The following PRKG1 variants were observed in gnomAD, a reference collection of about 807,000 sequenced individuals.
The protein encoded by PRKG1 is protein kinase cGMP-dependent 1, also known as cGMP-dependent protein kinase 1.
In PRKG1, 35 loss-of-function variants were observed where a neutral mutation model predicts 88.1. The ratio of observed to expected loss-of-function variants is 0.40; its 90% CI spans 0.30 to 0.53. The LOEUF is 0.53. PRKG1 is among the 20% of genes least tolerant of loss of function. PRKG1 has a pLI of 0.59. For synonymous variants in PRKG1, 303 were observed against 292.5 expected (o/e 1.04, Z -0.37); for missense variants, 540 against 839.8 (o/e 0.64, Z 4.41).
intron 3 of PRKG1, among the ~76,000 whole-genome samples, chr10:51,722,455 T>C (rs1411434881): frequency 6.6e-6 from 1 of 151,718 alleles, no homozygotes; most frequent in African/African-American, 2.4e-5. Flanking sequence ...ATCATATATA[T>C]ATTTATTTGT....
chr10:51,343,975 A>AT (rs1842057990), intron 2 of PRKG1, among the ~76,000 whole-genome samples: 1 of 152,228 alleles, frequency 6.6e-6, no homozygotes, highest in Non-Finnish European at 1.5e-5. Context: ...CTAGCAATAC[A>AT]TTTTTATGTC....
At chr10:52,099,077 AAG>A (rs1321910873) in intron 7 of PRKG1, among the ~76,000 whole-genome samples, 44 of 152,316 alleles carry the variant, frequency 2.9e-4, no homozygotes, top group African/African-American at 1.0e-3. Context: ...ATGGTAAGAA[AAG>A]AGCAGGATCA....
chr10:51,117,034 A>G (rs7921154), intron 1 of PRKG1, among the ~76,000 whole-genome samples: 121,199 of 152,036 alleles, frequency 0.8, 48,884 homozygotes, highest in South Asian at 0.88. Flanking sequence ...TGACATTTTT[A>G]GTTAACCTGT....
intron 9 of PRKG1, among the ~76,000 whole-genome samples, chr10:52,178,448 G>A (rs1055200935): frequency 2.0e-5 from 3 of 151,996 alleles, no homozygotes; most frequent in African/African-American, 7.2e-5. Flanking sequence ...TCCATATACT[G>A]ATGAAAAGAA....
chr10:51,691,115 T>C (rs1841130397), intron 3 of PRKG1, among the ~76,000 whole-genome samples: 1 of 151,198 alleles, frequency 6.6e-6, no homozygotes, highest in Admixed American at 6.6e-5. Flanking sequence ...AATGCAAACA[T>C]TTGTGGGCTA....
intron 5 of PRKG1, among the ~76,000 whole-genome samples, chr10:52,036,624 A>G (rs1416449426): frequency 2.6e-5 from 4 of 151,786 alleles, no homozygotes; most frequent in Admixed American, 6.6e-5. Context: ...AGGTGGGGGG[A>G]TACAAGAGGA....
chr10:51,589,344 C>T (rs1223574786), intron 3 of PRKG1, among the ~76,000 whole-genome samples: 1 of 152,066 alleles, frequency 6.6e-6, no homozygotes, highest in East Asian at 1.9e-4. Context: ...ATAATGCAGC[C>T]CAGGCACAGT....
At chr10:51,191,047 G>A (rs1239624708) in intron 2 of PRKG1, among the ~76,000 whole-genome samples, 2 of 151,856 alleles carry the variant, frequency 1.3e-5, no homozygotes, top group African/African-American at 4.8e-5. Flanking sequence ...GCAGGGGCTG[G>A]AAAATAGTAG....
At chr10:51,361,340 G>A (rs1489824895) in intron 2 of PRKG1, among the ~76,000 whole-genome samples, 1 of 151,740 alleles carries the variant, frequency 6.6e-6, no homozygotes, top group Non-Finnish European at 1.5e-5. Context: ...GATTATACTC[G>A]CTTGGCATTT....
upstream of PRKG1, among the ~76,000 whole-genome samples, chr10:51,074,094 C>T (rs1843881468): frequency 6.7e-6 from 1 of 149,950 alleles, no homozygotes; most frequent in Non-Finnish European, 1.5e-5. Context: ...TCCCACCTCC[C>T]CACCCCCGAA....
intron 3 of PRKG1, among the ~76,000 whole-genome samples, chr10:51,684,250 C>T (rs955066203): frequency 3.9e-5 from 6 of 152,018 alleles, no homozygotes; most frequent in East Asian, 3.9e-4. Context: ...GAAGACCATA[C>T]GTTGTATGAT....
At chr10:51,902,136 T>A (rs1589405003) in intron 4 of PRKG1, among the ~76,000 whole-genome samples, 1 of 152,150 alleles carries the variant, frequency 6.6e-6, no homozygotes, top group African/African-American at 2.4e-5. Flanking sequence ...TTTTTTGAGA[T>A]GGAGTTTTGC....
intron 2 of PRKG1, among the ~76,000 whole-genome samples, chr10:51,261,206 T>A (rs913292809): frequency 6.6e-6 from 1 of 152,376 alleles, no homozygotes; most frequent in East Asian, 1.9e-4. Flanking sequence ...TTATTTTCAA[T>A]GGGTCATCAG....
At chr10:51,031,386 G>A (rs1220433354) in intron 1 of PRKG1, among the ~76,000 whole-genome samples, 1 of 152,102 alleles carries the variant, frequency 6.6e-6, no homozygotes, top group East Asian at 1.9e-4. Context: ...AGACCTTGGC[G>A]ATAGACCAAA....
chr10:51,077,106 TATGCAAA>T (rs1378089129), intron 1 of PRKG1, among the ~76,000 whole-genome samples: 10 of 152,224 alleles, frequency 6.6e-5, no homozygotes, highest in Admixed American at 2.0e-4. Flanking sequence ...AAGTACATTG[TATGCAAA>T]ATGAATAAAT....
At chr10:52,002,706 A>G (rs1339363328) in intron 5 of PRKG1, among the ~76,000 whole-genome samples, 1 of 152,148 alleles carries the variant, frequency 6.6e-6, no homozygotes, top group Non-Finnish European at 1.5e-5. Flanking sequence ...GATGTAAAAG[A>G]TGAGTTTATA....
intron 2 of PRKG1, among the ~76,000 whole-genome samples, chr10:51,368,257 T>A (rs906292221): frequency 6.6e-6 from 1 of 152,058 alleles, no homozygotes; most frequent in Non-Finnish European, 1.5e-5. Flanking sequence ...AGTCTTCAGG[T>A]CTGACTACTT....
chr10:51,944,252 G>A (rs971465852), intron 5 of PRKG1, among the ~76,000 whole-genome samples: 2 of 151,994 alleles, frequency 1.3e-5, no homozygotes, highest in African/African-American at 2.4e-5. Context: ...AGAGGTGTTT[G>A]TAGTATTCTC....
At chr10:52,254,532 C>A (rs1216623995) in intron 10 of PRKG1, among the ~76,000 whole-genome samples, 1 of 151,784 alleles carries the variant, frequency 6.6e-6, no homozygotes, top group African/African-American at 2.4e-5. Context: ...AAATTATAAA[C>A]CCTCCAGTGG....
Sources: allele counts gnomAD v4.1 joint callset (sites outside exome capture counted in the v4.1 genomes callset), GRCh38; gene constraint gnomAD v4.1.1; transcripts MANE v1.5; gene names NCBI Gene and HGNC (gene_info 2026-07-23, HGNC 2026-07-21).